TMEM51: variants seen among roughly 807,000 people sequenced by gnomAD.
TMEM51 encodes the protein chromosome 1 open reading frame 72.
TMEM51 carries 8 observed loss-of-function variants against 13.6 expected under a neutral mutation model. The ratio of observed to expected loss-of-function variants is 0.59; its 90% CI spans 0.35 to 1.07. The LOEUF is 1.07. Ranked by LOEUF, TMEM51 falls within the 50% of genes least tolerant of loss-of-function variation. TMEM51 has a pLI of 0.02. For synonymous variants in TMEM51, 147 were observed against 144.4 expected (o/e 1.02, Z -0.13); for missense variants, 279 against 330.7 (o/e 0.84, Z 1.21).
intron 1 of TMEM51, among the ~76,000 whole-genome samples, chr1:15,204,462 G>A (rs992678086): frequency 6.6e-6 from 1 of 152,242 alleles, no homozygotes; most frequent in African/African-American, 2.4e-5. Context: ...GCTGAGTCAA[G>A]GAGAATCACT....
upstream of TMEM51, chr1:15,152,849 G>C (rs1011131246): frequency 6.6e-6 from 1 of 152,206 alleles, no homozygotes; most frequent in South Asian, 2.1e-4. Context: ...TGGCGGCTCC[G>C]GGCCTCCGTG....
intron 1 of TMEM51, among the ~76,000 whole-genome samples, chr1:15,197,894 C>A (rs555400958): frequency 4.0e-5 from 6 of 151,196 alleles, no homozygotes; most frequent in African/African-American, 1.5e-4. Context: ...CACCACCTTT[C>A]CTCCCACAAC....
intron 1 of TMEM51, among the ~76,000 whole-genome samples, chr1:15,174,136 C>T (rs1014098039): frequency 2.6e-5 from 4 of 152,226 alleles, no homozygotes; most frequent in Non-Finnish European, 4.4e-5. Context: ...GAGCAGCTGT[C>T]AGCACTGGGC....
intron 3 of TMEM51, among the ~76,000 whole-genome samples, chr1:15,216,621 T>C (rs1193968965): frequency 6.6e-6 from 1 of 152,112 alleles, no homozygotes; most frequent in Non-Finnish European, 1.5e-5. Context: ...TATAAGAGTT[T>C]ATCCCTGGGA....
chr1:15,168,469 G>T (rs553878994), intron 1 of TMEM51: 1 of 1,295,360 alleles, frequency 7.7e-7, no homozygotes, highest in African/African-American at 1.5e-5. Flanking sequence ...CTGTAACTCA[G>T]AATGTATAAG....
At chr1:15,192,446 C>CT (rs5772623) in intron 1 of TMEM51, 109,303 of 183,392 alleles carry the variant, frequency 0.6, 35,075 homozygotes, top group East Asian at 0.87. Context: ...TTCTTTCTTT[C>CT]TTTCTTTTCT....
chr1:15,176,350 A>G (rs1413383284), intron 1 of TMEM51, among the ~76,000 whole-genome samples: 2 of 152,212 alleles, frequency 1.3e-5, no homozygotes, highest in East Asian at 1.9e-4. Context: ...GAAAGCGGGA[A>G]TGAAACCAGC....
At chr1:15,213,601 C>G (rs755147757) in intron 2 of TMEM51, among the ~76,000 whole-genome samples, 47 of 152,190 alleles carry the variant, frequency 3.1e-4, no homozygotes, top group African/African-American at 1.1e-3. Flanking sequence ...TTCTCTGGCT[C>G]GCTCTCAACC....
intron 1 of TMEM51, among the ~76,000 whole-genome samples, chr1:15,177,899 C>G (rs554814037): frequency 6.6e-6 from 1 of 152,162 alleles, no homozygotes; most frequent in South Asian, 2.1e-4. Flanking sequence ...TAACGTCACG[C>G]GAAGTCTTCT....
chr1:15,167,909 C>G (rs1400542969), intron 1 of TMEM51, among the ~76,000 whole-genome samples: 2 of 152,246 alleles, frequency 1.3e-5, no homozygotes, highest in Non-Finnish European at 1.5e-5. Flanking sequence ...TTCATTAACT[C>G]TTTTTCTTTA....
chr1:15,203,576 T>C (rs1644197678), intron 1 of TMEM51, among the ~76,000 whole-genome samples: 2 of 152,070 alleles, frequency 1.3e-5, no homozygotes, highest in African/African-American at 4.8e-5. Context: ...TTAAAATCAC[T>C]ACCCACAGCT....
At position 15,207,953 on chromosome 1, in the gene TMEM51, C is replaced by T. The variant is rs562059461; in HGVS notation, c.-266-2537C>T. On this transcript the variant is annotated intron_variant, in intron 1 of 3. Transcript: ENST00000376008. This position sits in a 1 kb window ranked among gnomAD's most constrained non-coding sequence, Gnocchi z 4.6. The stretch of plus-strand genomic sequence containing the variant: ...CAGGCTTGGACTGGGAATTTCCCCT[C>T]ATTGATATGAGACATTGGTTCAACT... 1.3e-5 allele frequency among the ~76,000 whole-genome samples: 2 copies of T among 152,222 alleles called. No homozygotes were observed. The highest frequency in any genetic ancestry group is 2.9e-5 in the Non-Finnish European group (2 of 68,042).
At chr1:15,179,645 G>T (rs183368067) in intron 1 of TMEM51, among the ~76,000 whole-genome samples, 221 of 152,200 alleles carry the variant, frequency 1.5e-3, no homozygotes, top group African/African-American at 4.9e-3. Context: ...TAGCGGGCGT[G>T]GTGGCGCATG....
intron 1 of TMEM51, among the ~76,000 whole-genome samples, chr1:15,196,837 G>A (rs1173971078): frequency 6.6e-6 from 1 of 152,206 alleles, no homozygotes; most frequent in Non-Finnish European, 1.5e-5. Flanking sequence ...AGTTGGCCCT[G>A]GGATGTAGTG....
At position 15,177,688 on chromosome 1, in the gene TMEM51, TTTGA is replaced by T. The variant is rs149641365; in HGVS notation, c.-267+23753_-267+23756del. The stretch of plus-strand genomic sequence containing the variant: ...GTTTTAGATTTGGGGGATTTTTAAA[TTTGA>T]TTGATTGATTGATTGATTAAGATTG... On this transcript the variant is annotated intron_variant, in intron 1 of 3. Coordinates refer to ENST00000376008, the MANE Select transcript of TMEM51 (RefSeq NM_001136218.2). Among the ~76,000 whole-genome samples the T allele has an allele frequency of 7.7e-3, 1,166 of 152,228 alleles. 5 individuals are homozygous for T. The highest frequency in any genetic ancestry group is 0.011 in the Non-Finnish European group (751 of 68,006).
At chr1:15,177,858 G>A (rs2100221887) in intron 1 of TMEM51, among the ~76,000 whole-genome samples, 1 of 152,298 alleles carries the variant, frequency 6.6e-6, no homozygotes, top group South Asian at 2.1e-4. Context: ...TAAGCCCAGC[G>A]CTGTAGCATA....
chr1:15,210,000 C>T (rs1041259903), intron 1 of TMEM51, among the ~76,000 whole-genome samples: 13 of 151,956 alleles, frequency 8.6e-5, no homozygotes, highest in African/African-American at 3.1e-4. Flanking sequence ...CACTGCATTC[C>T]AGCCTGGGCA....
chr1:15,212,226 TA>T lies in TMEM51; in HGVS notation c.-194+1671del, dbSNP rs1330268638. 4.6e-5 allele frequency among the ~76,000 whole-genome samples: 7 copies of T among 152,120 alleles called. No individual in the cohort carries two copies. The East Asian group carries it at 9.6e-4, about 21-fold the overall frequency. On this transcript the variant is annotated intron_variant, in intron 2 of 3. Transcript: ENST00000376008. Reference sequence around the variant, plus strand: ...TCTATAAATGCCAAAACTTGCCATCTAAAAAAATGCCATGAAATTGCCATCC... The same window carrying T: ...TCTATAAATGCCAAAACTTGCCATCTAAAAAATGCCATGAAATTGCCATCC...
chr1:15,170,605 A>C (rs1643227724), intron 1 of TMEM51, among the ~76,000 whole-genome samples: 2 of 151,912 alleles, frequency 1.3e-5, no homozygotes, highest in African/African-American at 4.8e-5. Flanking sequence ...TCACCACCAC[A>C]CCTGGCCTAT....
Sources: allele counts gnomAD v4.1 joint callset (sites outside exome capture counted in the v4.1 genomes callset), GRCh38; gene constraint gnomAD v4.1.1; non-coding constraint Gnocchi (gnomAD v3.1); transcripts MANE v1.5; gene names NCBI Gene and HGNC (gene_info 2026-07-23, HGNC 2026-07-21).